The following TENM4 variants were observed in gnomAD, a reference collection of about 807,000 sequenced individuals.
TENM4 encodes teneurin transmembrane protein 4.
In TENM4, 82 loss-of-function variants were observed where a neutral mutation model predicts 243.3. The observed-to-expected ratio is 0.34, with a 90% CI of 0.28 to 0.40. TENM4 has a LOEUF of 0.40. Among genes scored for constraint, TENM4 ranks in the 10% least tolerant of loss-of-function variants. The pLI, the probability that TENM4 is intolerant of heterozygous loss-of-function variation, is 1.00. For synonymous variants in TENM4, 1,412 were observed against 1,456.3 expected, an observed-to-expected ratio of 0.97 and a Z score of 0.69; for missense variants, 3,138 against 3,673.3, an observed-to-expected ratio of 0.85 and a Z score of 3.77.
chr11:79,039,777 G>A (rs1859471918), intron 6 of TENM4, among the ~76,000 whole-genome samples: 3 of 152,112 alleles, frequency 2.0e-5, no homozygotes, highest in Admixed American at 2.0e-4. Flanking sequence ...TTCAGCACAT[G>A]TATCTCAGAA....
At chr11:79,009,801 C>T (rs950535903) in intron 6 of TENM4, among the ~76,000 whole-genome samples, 1 of 152,162 alleles carries the variant, frequency 6.6e-6, no homozygotes, top group African/African-American at 2.4e-5. Context: ...CCGAACACTT[C>T]AATTTCTTTA....
rs757872169 is a variant in TENM4 at position 78,738,529 on chromosome 11, C to A, written c.2798G>T (p.Gly933Val). 6.2e-7 allele frequency: 1 copy of A among 1,613,822 alleles called. No homozygotes were observed. The highest frequency in any genetic ancestry group is 1.7e-5 in the Admixed American group (1 of 60,012). ...GATGTTCACACCAACCAGGGGGGTT[C>A]CATCTGATGTCATCACTTGGCCACG... ...VIRGQVMTSD[G>V]TPLVGVNISF... The change falls in exon 20 of 34, where the codon GGA (glycine) becomes GTA (valine). Residue 933 changes from glycine to valine, a missense_variant. By Grantham distance (109) the Gly-to-Val change is moderately radical (BLOSUM62 -3). Transcript: ENST00000278550.
Position 78,903,491 on chromosome 11 carries a change from G to C in TENM4, c.526C>G (p.Leu176Val), listed in dbSNP as rs1855986061. 6.5e-7 allele frequency: 1 copy of C among 1,547,574 alleles called. No homozygotes were observed. The highest frequency in any genetic ancestry group is 1.2e-5 in the South Asian group (1 of 83,994). The change falls in exon 7 of 34, where the codon CTC becomes GTC. Residue 176 changes from leucine (L) to valine (V), a missense_variant. Leu to Val is a conservative substitution (Grantham distance 32). Transcript: ENST00000278550. ...HPGGLQNHAR[L>V]RTPPPPLSHA... ...GAGAGCGGCGGCGGCGGCGTCCGGA[G>C]CCGCGCGTGGTTCTGCAGGCCGCCC...
rs142396895 is a variant in TENM4 at position 78,803,406 on chromosome 11, G to C, written c.2179+1886C>G. ...TTATCTCCATTTTATAGCTTCAAAG[G>C]GTAAAGTAACTTGCCCAAAATTATA... On this transcript the variant is annotated intron_variant, in intron 15 of 33. Transcript: ENST00000278550. Among the ~76,000 whole-genome samples the C allele has an allele frequency of 6.7e-3, 1,014 of 152,224 alleles. 9 individuals are homozygous for C. Among genetic ancestry groups the C allele is most frequent in the Admixed American group, 0.014 (215 of 15,286 alleles).
intron 15 of TENM4, among the ~76,000 whole-genome samples, chr11:78,804,915 A>T (rs1222777986): frequency 2.6e-5 from 4 of 152,120 alleles, no homozygotes; most frequent in African/African-American, 9.7e-5. Context: ...GATGGCTGGG[A>T]CATTTATCCT....
At chr11:79,083,005 A>C (rs1441939269) in intron 4 of TENM4, among the ~76,000 whole-genome samples, 1 of 152,238 alleles carries the variant, frequency 6.6e-6, no homozygotes, top group Non-Finnish European at 1.5e-5. Flanking sequence ...AGGCAGGGCC[A>C]GTCTCTCATG....
Position 78,657,155 on chromosome 11 carries a change from C to T in TENM4, c.*903G>A, listed in dbSNP as rs1013737746. 4.0e-5 allele frequency: 16 copies of T among 398,690 alleles called. No homozygotes were observed. Among genetic ancestry groups the T allele is most frequent in the African/African-American group, 2.7e-4 (13 of 48,746 alleles). The allele number at this position is 398,690 out of a possible 1,614,324, so 24.7% of individuals were successfully genotyped here. On this transcript the variant is annotated 3_prime_UTR_variant, in exon 34 of 34. Transcript: ENST00000278550. ...CATTGAAGGCTTGCTGTGCAGTGCT[C>T]GTTCTCACATCTGGCTTTGGGAGAA...
chr11:78,977,860 A>G (rs1386527428), intron 6 of TENM4, among the ~76,000 whole-genome samples: 2 of 152,220 alleles, frequency 1.3e-5, no homozygotes, highest in African/African-American at 4.8e-5. Context: ...CTGGATATAT[A>G]CCCAAAGGAT....
In TENM4 at chr11:78,669,495, C is replaced by G; in HGVS notation, c.6850G>C (p.Ala2284Pro). The G allele has an allele frequency of 6.2e-7, 1 of 1,613,886 alleles. No homozygotes were observed. Among genetic ancestry groups the G allele is most frequent in the Non-Finnish European group, 8.5e-7 (1 of 1,179,866 alleles). The change falls in exon 32 of 34, where the codon GCT becomes CCT. Residue 2284 changes from alanine (A) to proline (P), a missense_variant. Ala to Pro is a conservative substitution (Grantham distance 27, BLOSUM62 -1). Around this residue, in one of 2 missense-constraint regions of TENM4, gnomAD observed 2,467 missense variants for 3,059.1 expected, o/e 0.81. Transcript: ENST00000278550. This position sits in a 1 kb window ranked among gnomAD's most constrained non-coding sequence, Gnocchi z 6.4. Reference protein sequence around the residue: ...AGLLIKAYNRAGSWSVRYRYD... With the variant: ...AGLLIKAYNRPGSWSVRYRYD... ...CGGTACCTGACACTCCAGCTGCCAG[C>G]CCGGTTGTAGGCCTTGATGAGCAGG... is the stretch of plus-strand genomic sequence containing the variant.
chr11:79,336,888 G>A (rs1857156940), intron 1 of TENM4, among the ~76,000 whole-genome samples: 2 of 152,154 alleles, frequency 1.3e-5, no homozygotes, highest in Admixed American at 1.3e-4. Flanking sequence ...ACTGAATTGT[G>A]CCCTGCAGGA....
At chr11:78,689,474 CT>C (rs35671591) in intron 28 of TENM4, among the ~76,000 whole-genome samples, 33 of 145,678 alleles carry the variant, frequency 2.3e-4, no homozygotes, top group African/African-American at 2.1e-4. Flanking sequence ...TCCCTACTGG[CT>C]TTTTTTTTTT....
At chr11:78,827,439 C>T (rs1296207264) in intron 12 of TENM4, among the ~76,000 whole-genome samples, 3 of 151,970 alleles carry the variant, frequency 2.0e-5, no homozygotes, top group Admixed American at 6.6e-5. Context: ...CCCACTTATC[C>T]GCTTGTCCAA....
chr11:78,836,921 C>T (rs1442289204), intron 12 of TENM4, among the ~76,000 whole-genome samples: 1 of 152,190 alleles, frequency 6.6e-6, no homozygotes, highest in African/African-American at 2.4e-5. Flanking sequence ...TACACGTGCC[C>T]ATGTCACCAG....
intron 18 of TENM4, among the ~76,000 whole-genome samples, chr11:78,758,636 G>T (rs764323623): frequency 6.6e-6 from 1 of 152,182 alleles, no homozygotes; most frequent in Non-Finnish European, 1.5e-5. Flanking sequence ...TGGTGTCCCC[G>T]ATCCTCCTTG....
At chr11:78,663,725 C>T (rs78752503) in intron 32 of TENM4, among the ~76,000 whole-genome samples, 198 of 152,262 alleles carry the variant, frequency 1.3e-3, no homozygotes, top group East Asian at 0.01. Flanking sequence ...TCAGGTATTC[C>T]TCTAAGGCAG....
rs554400735 is a variant in TENM4 at position 79,170,356 on chromosome 11, A to G, written c.-162-21550T>C. 2.6e-5 allele frequency among the ~76,000 whole-genome samples: 4 copies of G among 152,258 alleles called. No individual in the cohort carries two copies. The East Asian group carries it at 7.7e-4, about 29-fold the overall frequency. On this transcript the variant is annotated intron_variant, in intron 3 of 33. Coordinates refer to ENST00000278550, the MANE Select transcript of TENM4 (RefSeq NM_001098816.3). ...AGCAGTGGATTGAACAATAACAGAG[A>G]CTTTCCATACTTGAGAGGTGTTATA...
intron 17 of TENM4, 43 bp from the exon 18 acceptor site, chr11:78,771,181 C>T: frequency 6.5e-7 from 1 of 1,550,126 alleles, no homozygotes; most frequent in Non-Finnish European, 8.7e-7. Context: ...CACCCAGAGT[C>T]AACTGCCATC....
In TENM4 at chr11:79,177,888, C is replaced by A. The variant is rs1863198508; in HGVS notation, c.-162-29082G>T. ...TGTAGAGCCCCATGGGACATGACAG[C>A]AATTTTAGCTTTTCCTCTGAGATGG... On this transcript the variant is annotated intron_variant, in intron 3 of 33. Transcript: ENST00000278550. Among the ~76,000 whole-genome samples, 3 of 151,964 alleles carry A rather than the reference C, an allele frequency of 2.0e-5. No homozygotes were observed. In the South Asian group the frequency reaches 6.2e-4, roughly 32 times the overall value.
At chr11:79,341,720 G>C (rs556676165) in intron 1 of TENM4, among the ~76,000 whole-genome samples, 203 of 152,264 alleles carry the variant, frequency 1.3e-3, no homozygotes, top group Non-Finnish European at 1.8e-3. Flanking sequence ...CTTGTGTGAA[G>C]GATGTAAAAA....
Sources: allele counts gnomAD v4.1 joint callset (sites outside exome capture counted in the v4.1 genomes callset), GRCh38; gene constraint gnomAD v4.1.1; regional missense constraint gnomAD v4.1.1; non-coding constraint Gnocchi (gnomAD v3.1); transcripts MANE v1.5; gene names NCBI Gene and HGNC (gene_info 2026-07-23, HGNC 2026-07-21).